The following RASAL2 variants were observed in gnomAD, a reference collection of about 807,000 sequenced individuals.
RASAL2 encodes the protein ras GTPase-activating protein nGAP.
In RASAL2, 58 loss-of-function variants were observed where a neutral mutation model predicts 128.9. The observed-to-expected ratio is 0.45, with a 90% confidence interval of 0.36 to 0.56. The LOEUF is 0.56. Among genes scored for constraint, RASAL2 ranks in the 20% least tolerant of loss-of-function variants. RASAL2 has a pLI of 0.00. For missense variants in RASAL2, 1,360 were observed against 1,601.6 expected, an observed-to-expected ratio of 0.85 and a Z score of 2.57; for synonymous variants, 561 against 580.8, an observed-to-expected ratio of 0.97 and a Z score of 0.49.
At chr1:178,452,877 G>A (rs1036495483) in intron 11 of RASAL2, among the ~76,000 whole-genome samples, 3 of 151,910 alleles carry the variant, frequency 2.0e-5, no homozygotes, top group South Asian at 4.2e-4. Flanking sequence ...ACTACAAACT[G>A]TTTACAAAAA....
intron 1 of RASAL2, among the ~76,000 whole-genome samples, chr1:178,186,982 C>A (rs892642352): frequency 4.6e-5 from 7 of 151,790 alleles, no homozygotes; most frequent in African/African-American, 1.7e-4. Context: ...TGCCACCATG[C>A]CTTACCAATT....
chr1:178,110,949 T>C (rs1659298128), intron 1 of RASAL2, among the ~76,000 whole-genome samples: 1 of 152,090 alleles, frequency 6.6e-6, no homozygotes, highest in Admixed American at 6.6e-5. Flanking sequence ...GTTGTGTTTT[T>C]TTCTTTTTAC....
chr1:178,160,782 A>G (rs1045716799), intron 1 of RASAL2, among the ~76,000 whole-genome samples: 1 of 152,242 alleles, frequency 6.6e-6, no homozygotes, highest in Non-Finnish European at 1.5e-5. Context: ...GTTGTTTTCA[A>G]TAATGTCCAG....
intron 1 of RASAL2, among the ~76,000 whole-genome samples, chr1:178,219,028 A>G (rs753402454): frequency 3.3e-5 from 5 of 152,248 alleles, no homozygotes; most frequent in Non-Finnish European, 5.9e-5. Flanking sequence ...GTGTTCATCA[A>G]TGGTCTTAGC....
intron 1 of RASAL2, among the ~76,000 whole-genome samples, chr1:178,237,156 A>C (rs1664289499): frequency 2.6e-5 from 4 of 152,054 alleles, no homozygotes; most frequent in Non-Finnish European, 4.4e-5. Flanking sequence ...AAGGAATTAG[A>C]GCCTCAGAAA....
chr1:178,338,640 G>C (rs1446194795), intron 3 of RASAL2, among the ~76,000 whole-genome samples: 1 of 152,102 alleles, frequency 6.6e-6, no homozygotes, highest in Non-Finnish European at 1.5e-5. Context: ...ATTGAACTTT[G>C]AAACTATCAT....
In RASAL2 at chr1:178,458,035, G is replaced by C. The variant is rs1339247699; in HGVS notation, c.2743G>C (p.Gly915Arg). 2 of 1,614,160 alleles carry C rather than the reference G, an allele frequency of 1.2e-6. No homozygotes were observed. The highest frequency in any genetic ancestry group is 1.7e-5 in the Admixed American group (1 of 60,018). The change falls in exon 14 of 18, where the codon GGT (glycine) becomes CGT (arginine). Residue 915 changes from glycine to arginine, a missense_variant. By Grantham distance (125) the Gly-to-Arg change is moderately radical. This residue lies in a region of RASAL2 where 741 missense variants were observed against 868.6 expected (regional missense o/e 0.85). Coordinates refer to ENST00000367649, the MANE Select transcript of RASAL2 (RefSeq NM_170692.4). ...RPLHPALNQP[G>R]GLQPLSFQNP... Reference sequence around the variant, plus strand: ...CCTGCACCCAGCCTTGAACCAGCCAGGTGGCCTTCAGCCCTTGTCGTTCCA... The same window carrying C: ...CCTGCACCCAGCCTTGAACCAGCCACGTGGCCTTCAGCCCTTGTCGTTCCA...
chr1:178,235,948 T>C (rs962760985), intron 1 of RASAL2, among the ~76,000 whole-genome samples: 5 of 152,240 alleles, frequency 3.3e-5, no homozygotes, highest in African/African-American at 1.2e-4. Context: ...AGTATCCTAA[T>C]GAATAAAGTT....
intron 3 of RASAL2, among the ~76,000 whole-genome samples, chr1:178,302,430 G>A (rs958435598): frequency 2.0e-5 from 3 of 151,720 alleles, no homozygotes; most frequent in African/African-American, 7.3e-5. Flanking sequence ...AATTCCTAGG[G>A]GAAAAGATCT....
intron 1 of RASAL2, 90 bp downstream of exon 1, chr1:178,094,784 C>G (rs896123926): frequency 1.9e-5 from 28 of 1,481,802 alleles, no homozygotes; most frequent in Non-Finnish European, 2.6e-5. Flanking sequence ...CATTCCCAGT[C>G]CTCATCCGTG....
At chr1:178,377,893 G>A (rs1672076297) in intron 3 of RASAL2, among the ~76,000 whole-genome samples, 1 of 151,660 alleles carries the variant, frequency 6.6e-6, no homozygotes, top group Non-Finnish European at 1.5e-5. Flanking sequence ...AAAATGTTAA[G>A]GACAACTACT....
At chr1:178,199,330 A>G (rs1392822172) in intron 1 of RASAL2, among the ~76,000 whole-genome samples, 1 of 152,134 alleles carries the variant, frequency 6.6e-6, no homozygotes, top group African/African-American at 2.4e-5. Context: ...ACCAGTCCCA[A>G]TGAGATGAAC....
intron 4 of RASAL2, among the ~76,000 whole-genome samples, chr1:178,397,063 T>C (rs1244646690): frequency 3.9e-5 from 6 of 152,194 alleles, no homozygotes; most frequent in Admixed American, 2.0e-4. Flanking sequence ...GTGGCCACTT[T>C]TGACAGCTCC....
At chr1:178,352,845 C>T (rs1214353431) in intron 3 of RASAL2, among the ~76,000 whole-genome samples, 1 of 152,258 alleles carries the variant, frequency 6.6e-6, no homozygotes, top group Non-Finnish European at 1.5e-5. Flanking sequence ...AGGCTTTCAG[C>T]TTGTACTGTC....
At chr1:178,133,890 G>C (rs55857093) in intron 1 of RASAL2, among the ~76,000 whole-genome samples, 4,711 of 152,242 alleles carry the variant, frequency 0.031, 220 homozygotes, top group African/African-American at 0.11. Context: ...TGACGATCAT[G>C]TGGAGATACC....
chr1:178,159,068 T>G (rs1661183975), intron 1 of RASAL2, among the ~76,000 whole-genome samples: 1 of 152,206 alleles, frequency 6.6e-6, no homozygotes, highest in Non-Finnish European at 1.5e-5. Flanking sequence ...AAAATATAAC[T>G]TGAATTTTAG....
chr1:178,327,405 G>C (rs995179476), intron 3 of RASAL2, among the ~76,000 whole-genome samples: 20 of 152,190 alleles, frequency 1.3e-4, no homozygotes, highest in African/African-American at 4.3e-4. Flanking sequence ...GAGTGCAGTG[G>C]CATGATCTTG....
chr1:178,450,963 G>T (rs1677334271), intron 9 of RASAL2, among the ~76,000 whole-genome samples: 1 of 152,166 alleles, frequency 6.6e-6, no homozygotes, highest in Non-Finnish European at 1.5e-5. Flanking sequence ...AATAGTGGGT[G>T]TATCTTCATA....
At position 178,451,835 on chromosome 1, in the gene RASAL2, G is replaced by C. The variant is rs1677396635; in HGVS notation, c.1772+120G>C. 4.0e-6 allele frequency: 5 copies of C among 1,258,834 alleles called. No homozygotes were observed. The South Asian group carries it at 7.5e-5, about 19-fold the overall frequency. 78.0% of individuals were successfully genotyped at this position (1,258,834 alleles called of 1,614,324 possible). A position where few individuals can be genotyped will look rare whatever the true frequency, so the allele number is the denominator to read the frequency against. ...ACAATTATTTTACAACCAAAGGGGA[G>C]GGTCTTGGAGAAAAATTGAAAGTTT... is the stretch of plus-strand genomic sequence containing the variant. On this transcript the variant is annotated intron_variant, in intron 10 of 17. Transcript: ENST00000367649.
Sources: allele counts gnomAD v4.1 joint callset (sites outside exome capture counted in the v4.1 genomes callset), GRCh38; gene constraint gnomAD v4.1.1; regional missense constraint gnomAD v4.1.1; transcripts MANE v1.5; gene names NCBI Gene and HGNC (gene_info 2026-07-23, HGNC 2026-07-21).